Variants in EFL1 observed in about 807,000 individuals in gnomAD.
EFL1 encodes the protein elongation factor-like GTPase 1.
A neutral mutation model predicts 126.7 loss-of-function variants in EFL1; 76 were observed. That is an observed-to-expected ratio of 0.60 (90% confidence interval 0.50 to 0.73). The LOEUF (loss-of-function observed/expected upper bound fraction) is 0.73, where lower values mean the gene tolerates loss of function less well. Among genes scored for constraint, EFL1 ranks in the 30% least tolerant of loss-of-function variants. The pLI is 0.00. For missense variants in EFL1, 1,128 were observed against 1,343.2 expected, an observed-to-expected ratio of 0.84 and a Z score of 2.50; for synonymous variants, 410 against 448.4, an observed-to-expected ratio of 0.91 and a Z score of 1.08.
chr15:82,234,968 A>C (rs2074857824), intron 7 of EFL1, among the ~76,000 whole-genome samples: 1 of 152,176 alleles, frequency 6.6e-6, no homozygotes. Context: ...GTGATCAATT[A>C]CCTACTCCAT....
chr15:82,188,918 CTT>C (rs200171867), intron 15 of EFL1, among the ~76,000 whole-genome samples: 36 of 133,522 alleles, frequency 2.7e-4, no homozygotes, highest in Admixed American at 3.8e-4. Flanking sequence ...TGTGTTTATG[CTT>C]TTTTTTTTTT....
At chr15:82,155,088 C>T (rs1352859072) in intron 17 of EFL1, among the ~76,000 whole-genome samples, 2 of 152,116 alleles carry the variant, frequency 1.3e-5, no homozygotes, top group East Asian at 1.9e-4. Context: ...TTTTATATAG[C>T]TGTAGTTTTG....
chr15:82,252,324 C>T (rs2075029967), intron 4 of EFL1, among the ~76,000 whole-genome samples: 1 of 152,228 alleles, frequency 6.6e-6, no homozygotes, highest in Admixed American at 6.5e-5. Flanking sequence ...CAAGCTGGTA[C>T]TGATCACGGC....
chr15:82,183,236 T>C (rs62012003), intron 15 of EFL1, among the ~76,000 whole-genome samples: 1 of 152,190 alleles, frequency 6.6e-6, no homozygotes, highest in Admixed American at 6.5e-5. Flanking sequence ...AATAATTTTG[T>C]CCTTAAAGTA....
At position 82,138,430 on chromosome 15, in the gene EFL1, AT is replaced by A. The variant is rs2073747261; in HGVS notation, c.3174+227del. On this transcript the variant is annotated intron_variant, in intron 19 of 19. Transcript: ENST00000268206. ...AATGAGAGAGAGAGAGAGAGAGTGT[AT>A]GTGTGTGTGTGTGTGTGTGTGTGTG... 1.7e-4 allele frequency among the ~76,000 whole-genome samples: 25 copies of A among 146,102 alleles called. No individual in the cohort carries two copies. In the Middle Eastern group the frequency reaches 0.01, roughly 60 times the overall value.
chr15:82,219,609 C>A (rs776808971), intron 14 of EFL1, 43 bp downstream of exon 14: 1 of 1,561,786 alleles, frequency 6.4e-7, no homozygotes, highest in East Asian at 2.3e-5. Context: ...AGATATCAGA[C>A]CCTCGAGAAA....
In EFL1 at chr15:82,198,238, T is replaced by C. The variant is rs1365447783; in HGVS notation, c.1750+16479A>G. Among the ~76,000 whole-genome samples the C allele has an allele frequency of 1.3e-5, 2 of 152,150 alleles. 1 individual carries two copies. Among genetic ancestry groups the C allele is most frequent in the East Asian group, 3.9e-4 (2 of 5,194 alleles). On this transcript the variant is annotated intron_variant, in intron 15 of 19. Coordinates refer to ENST00000268206, the MANE Select transcript of EFL1 (RefSeq NM_024580.6). ...TTGTGACCCTGCTAGAGCTGGAACATTGCAGATGCCTTTTACCATCATCCC... is the reference window on the plus strand; with the variant it reads ...TTGTGACCCTGCTAGAGCTGGAACACTGCAGATGCCTTTTACCATCATCCC...
chr15:82,180,116 A>G (rs2074234361), intron 15 of EFL1, among the ~76,000 whole-genome samples: 1 of 152,138 alleles, frequency 6.6e-6, no homozygotes, highest in Non-Finnish European at 1.5e-5. Flanking sequence ...ACACTTAGGA[A>G]GACCTCAGGT....
intron 3 of EFL1, 77 bp downstream of exon 3, chr15:82,259,011 G>T: frequency 7.5e-7 from 1 of 1,328,746 alleles, no homozygotes; most frequent in Non-Finnish European, 1.1e-6. Flanking sequence ...GATGGCTGAA[G>T]AACACAGAAA....
chr15:82,151,950 A>G lies in EFL1; in HGVS notation c.2504T>C (p.Ile835Thr), dbSNP rs2073914430. Residue 835 changes from isoleucine to threonine, a missense_variant, in exon 18 of 20, where the codon ATA becomes ACA. Coordinates refer to ENST00000268206, the MANE Select transcript of EFL1 (RefSeq NM_024580.6). ...SFGPRKCGPN[I>T]LVNKSEDFQN... ...AAAATCTTCACTTTTATTGACTAGTATGTTGGGCCCACATTTTCTTGGGCC... is the reference window on the plus strand; with the variant it reads ...AAAATCTTCACTTTTATTGACTAGTGTGTTGGGCCCACATTTTCTTGGGCC... The G allele has an allele frequency of 6.2e-7, 1 of 1,614,036 alleles. No individual in the cohort carries two copies. The highest frequency in any genetic ancestry group is 1.1e-5 in the South Asian group (1 of 91,086).
At chr15:82,157,496 C>A in intron 17 of EFL1, 1 of 460,256 alleles carries the variant, frequency 2.2e-6, no homozygotes, top group Non-Finnish European at 3.6e-6. Flanking sequence ...ATGACTTAAG[C>A]TAAAAATGCA....
At chr15:82,173,206 G>A (rs940860409) in intron 15 of EFL1, among the ~76,000 whole-genome samples, 7 of 152,024 alleles carry the variant, frequency 4.6e-5, no homozygotes, top group Non-Finnish European at 1.0e-4. Flanking sequence ...AAAAAAATCT[G>A]TAAAACATAA....
intron 14 of EFL1, among the ~76,000 whole-genome samples, chr15:82,217,485 C>T (rs185385203): frequency 1.2e-4 from 16 of 138,286 alleles, no homozygotes; most frequent in Non-Finnish European, 2.0e-4. Context: ...GAACAATAAA[C>T]GAGCTACGGG....
chr15:82,138,033 A>C (rs2141212231), intron 19 of EFL1, among the ~76,000 whole-genome samples: 1 of 152,170 alleles, frequency 6.6e-6, no homozygotes, highest in East Asian at 1.9e-4. Flanking sequence ...GGATCTGTTA[A>C]GTTTTCCTTT....
intron 19 of EFL1, among the ~76,000 whole-genome samples, chr15:82,133,736 A>C (rs1056774108): frequency 6.6e-6 from 1 of 152,256 alleles, no homozygotes; most frequent in Non-Finnish European, 1.5e-5. Context: ...CTCAACATTC[A>C]TAAGAAACAC....
At chr15:82,154,924 T>C (rs11855089) in intron 17 of EFL1, among the ~76,000 whole-genome samples, 101,387 of 152,032 alleles carry the variant, frequency 0.67, 35,595 homozygotes, top group African/African-American at 0.89. Flanking sequence ...ACCTGCCCGA[T>C]TAATTTATTT....
Position 82,186,501 on chromosome 15 carries a change from G to C in EFL1, c.1751-22517C>G, listed in dbSNP as rs1186988134. 2.0e-5 allele frequency among the ~76,000 whole-genome samples: 3 copies of C among 152,284 alleles called. No homozygotes were observed. The East Asian group carries it at 5.8e-4, about 29-fold the overall frequency. On this transcript the variant is annotated intron_variant, in intron 15 of 19. Transcript: ENST00000268206. ...ACTGAATCATTTCCAAATACCAGGT[G>C]TTCCAGTTTCACTGTGTTTTGATAT... is the stretch of plus-strand genomic sequence containing the variant.
intron 7 of EFL1, among the ~76,000 whole-genome samples, chr15:82,237,699 C>T (rs917308314): frequency 6.6e-6 from 1 of 150,902 alleles, no homozygotes; most frequent in African/African-American, 2.4e-5. Context: ...ACACAAAAAC[C>T]TACACATGAA....
intron 18 of EFL1, among the ~76,000 whole-genome samples, chr15:82,146,367 T>G (rs2141222059): frequency 6.6e-6 from 1 of 152,230 alleles, no homozygotes; most frequent in African/African-American, 2.4e-5. Flanking sequence ...TCTCAGAAGA[T>G]CTCTAAATAT....
Sources: allele counts gnomAD v4.1 joint callset (sites outside exome capture counted in the v4.1 genomes callset), GRCh38; gene constraint gnomAD v4.1.1; transcripts MANE v1.5; gene names NCBI Gene and HGNC (gene_info 2026-07-23, HGNC 2026-07-21).